The following OSBPL10 variants were observed in gnomAD, a reference collection of about 807,000 sequenced individuals.
OSBPL10 encodes the protein oxysterol-binding protein-related protein 10.
A neutral mutation model predicts 81.7 loss-of-function variants in OSBPL10; 49 were observed. The observed-to-expected ratio is 0.60, with a 90% confidence interval of 0.48 to 0.76. The LOEUF (loss-of-function observed/expected upper bound fraction) is 0.76, where lower values mean the gene tolerates loss of function less well. Among genes scored for constraint, OSBPL10 ranks in the 30% least tolerant of loss-of-function variants. The pLI is 0.00. For missense variants in OSBPL10, 923 were observed against 987.8 expected, an observed-to-expected ratio of 0.93 and a Z score of 0.88; for synonymous variants, 419 against 383.6, an observed-to-expected ratio of 1.09 and a Z score of -1.08.
At chr3:31,931,598 A>G (rs1229984811) in intron 1 of OSBPL10, among the ~76,000 whole-genome samples, 1 of 152,292 alleles carries the variant, frequency 6.6e-6, no homozygotes, top group African/African-American at 2.4e-5. Flanking sequence ...AATCCAAGCC[A>G]CCTTTACAGT....
chr3:32,023,805 T>G (rs113955969), intron 2 of OSBPL10, among the ~76,000 whole-genome samples: 4 of 152,212 alleles, frequency 2.6e-5, no homozygotes, highest in African/African-American at 7.2e-5. Flanking sequence ...ACCCTATACA[T>G]TCTATGTTTT....
chr3:31,764,441 A>G (rs1698141477), intron 4 of OSBPL10, among the ~76,000 whole-genome samples: 3 of 152,194 alleles, frequency 2.0e-5, no homozygotes, highest in Admixed American at 2.0e-4. Flanking sequence ...ATGGGAAGAC[A>G]GGGCAAGTGA....
chr3:31,923,146 T>A (rs1379530413), intron 1 of OSBPL10, among the ~76,000 whole-genome samples: 2 of 152,152 alleles, frequency 1.3e-5, no homozygotes, highest in African/African-American at 2.4e-5. Context: ...ACCACTCTCC[T>A]CTTATTGAAG....
chr3:31,843,961 G>A (rs775355515), intron 3 of OSBPL10, among the ~76,000 whole-genome samples: 1 of 152,200 alleles, frequency 6.6e-6, no homozygotes, highest in Admixed American at 6.5e-5. Context: ...GGCAGATGAG[G>A]CAAGGGACAG....
Position 31,830,232 on chromosome 3 carries a change from C to T in OSBPL10, c.538-1G>A. On this transcript the variant is annotated splice_acceptor_variant, in intron 3 of 11. Coordinates refer to ENST00000396556, the MANE Select transcript of OSBPL10 (RefSeq NM_017784.5). LOFTEE classifies it high-confidence loss of function. ...TTCGGCTTCGGGAGCTTGGAGCACT[C>T]TAGAATAAGCAACAGGTGTCAAAAC... 1 of 1,610,470 alleles carries T rather than the reference C, an allele frequency of 6.2e-7. No individual in the cohort carries two copies. Among genetic ancestry groups the T allele is most frequent in the Non-Finnish European group, 8.5e-7 (1 of 1,178,402 alleles).
intron 2 of OSBPL10, among the ~76,000 whole-genome samples, chr3:32,034,277 C>T (rs895972317): frequency 1.3e-5 from 2 of 151,630 alleles, no homozygotes; most frequent in Non-Finnish European, 2.9e-5. Context: ...TCCATCTCTA[C>T]AAAAAATAAA....
intron 4 of OSBPL10, among the ~76,000 whole-genome samples, chr3:31,780,554 A>C (rs887025445): frequency 1.3e-5 from 2 of 152,074 alleles, no homozygotes; most frequent in African/African-American, 4.8e-5. Context: ...AAATTGATAG[A>C]CCAGTAGCAA....
chr3:32,029,961 T>C (rs1456147539), intron 2 of OSBPL10, among the ~76,000 whole-genome samples: 1 of 152,172 alleles, frequency 6.6e-6, no homozygotes, highest in Non-Finnish European at 1.5e-5. Context: ...ACAGTACCCA[T>C]TAAAAGTAGC....
intron 5 of OSBPL10, 31 bp from the exon 6 acceptor site, chr3:31,733,442 A>G (rs1697037105): frequency 1.2e-6 from 2 of 1,613,744 alleles, no homozygotes; most frequent in East Asian, 4.5e-5. Context: ...GATGCCAAGT[A>G]TTTTCCAAAT....
At chr3:32,041,399 C>T (rs1267126040) in intron 2 of OSBPL10, among the ~76,000 whole-genome samples, 5 of 152,184 alleles carry the variant, frequency 3.3e-5, no homozygotes, top group Admixed American at 3.3e-4. Context: ...CCCACTTTTG[C>T]CACTCTACTT....
intron 4 of OSBPL10, among the ~76,000 whole-genome samples, chr3:31,820,569 T>A (rs527269408): frequency 3.3e-5 from 5 of 151,456 alleles, no homozygotes; most frequent in Admixed American, 2.6e-4. Flanking sequence ...CACTCCAGCC[T>A]GGGAGGCAGA....
chr3:31,990,666 T>C, intron 2 of OSBPL10: 5 of 1,614,006 alleles, frequency 3.1e-6, no homozygotes, highest in Non-Finnish European at 4.2e-6. Context: ...CACGTCATCA[T>C]AGACTTCATA....
At chr3:31,695,108 T>C (rs755017515) in intron 7 of OSBPL10, among the ~76,000 whole-genome samples, 15 of 152,312 alleles carry the variant, frequency 9.8e-5, no homozygotes, top group African/African-American at 2.9e-4. Context: ...TGGGTATCTT[T>C]AGGTTAGGGA....
chr3:31,767,009 A>G (rs1698221738), intron 4 of OSBPL10, among the ~76,000 whole-genome samples: 1 of 152,230 alleles, frequency 6.6e-6, no homozygotes, highest in Non-Finnish European at 1.5e-5. Flanking sequence ...TGAGGGCTCA[A>G]TCCACAGTCC....
chr3:31,857,408 G>A (rs1575585789), intron 3 of OSBPL10, among the ~76,000 whole-genome samples: 2 of 151,974 alleles, frequency 1.3e-5, no homozygotes, highest in South Asian at 4.2e-4. Flanking sequence ...CATCTTCAAG[G>A]ACATTAGATG....
Position 31,796,898 on chromosome 3 carries a change from C to T in OSBPL10, c.729+33142G>A, listed in dbSNP as rs1466459657. ...CCTTTCCTCCCCTCTCCTCACTTCT[C>T]TCTACCCCAAACATTTTCTCCCATT... On this transcript the variant is annotated intron_variant, in intron 4 of 11. Coordinates refer to ENST00000396556, the MANE Select transcript of OSBPL10 (RefSeq NM_017784.5). 4.6e-5 allele frequency among the ~76,000 whole-genome samples: 7 copies of T among 152,198 alleles called. No individual in the cohort carries two copies. The East Asian group carries it at 1.4e-3, about 29-fold the overall frequency.
chr3:31,982,940 C>T (rs557857795), upstream of OSBPL10, among the ~76,000 whole-genome samples: 74 of 152,316 alleles, frequency 4.9e-4, no homozygotes, highest in Non-Finnish European at 8.4e-4. Context: ...ATGCCCCTTC[C>T]AAACATAAGC....
At chr3:31,747,085 A>G (rs1223378156) in intron 5 of OSBPL10, among the ~76,000 whole-genome samples, 1 of 152,164 alleles carries the variant, frequency 6.6e-6, no homozygotes, top group East Asian at 1.9e-4. Context: ...CTGTAATCCC[A>G]GCATTCTGGG....
intron 2 of OSBPL10, among the ~76,000 whole-genome samples, chr3:32,018,374 C>G (rs2125543800): frequency 6.6e-6 from 1 of 152,132 alleles, no homozygotes; most frequent in South Asian, 2.1e-4. Flanking sequence ...GTTTATTCTT[C>G]CTCTGATTTA....
Sources: gnomAD v4.1 joint callset for allele counts (sites outside exome capture counted in the v4.1 genomes callset) on GRCh38, gnomAD v4.1.1 for gene constraint, MANE v1.5 for transcripts, NCBI Gene and HGNC (gene_info 2026-07-23, HGNC 2026-07-21) for gene names.